CTDSPL2: variants seen among roughly 807,000 people sequenced by gnomAD.
CTDSPL2 encodes CTD small phosphatase-like protein 2.
A neutral mutation model predicts 60.0 loss-of-function variants in CTDSPL2; 5 were observed. The ratio of observed to expected loss-of-function variants is 0.08; its 90% CI spans 0.04 to 0.18. The LOEUF is 0.18. Among genes scored for constraint, CTDSPL2 ranks in the 10% least tolerant of loss-of-function variants. CTDSPL2 has a pLI of 1.00. For missense variants in CTDSPL2, 370 were observed against 548.8 expected (o/e 0.67, Z 3.26); for synonymous variants, 186 against 189.3 (o/e 0.98, Z 0.14).
rs192836655 is a variant in CTDSPL2, at chr15:44,493,267, G to C, written c.691+2268G>C. On this transcript the variant is annotated intron_variant, in intron 5 of 12. Transcript: ENST00000260327. Reference sequence around the variant, plus strand: ...TGATTGGGATGATCATGAGAGTATAGATAGAGGCATTTAGTATGAGTGACA... The same window carrying C: ...TGATTGGGATGATCATGAGAGTATACATAGAGGCATTTAGTATGAGTGACA... Among the ~76,000 whole-genome samples, 679 of 152,284 alleles carry C rather than the reference G, an allele frequency of 4.5e-3. 4 individuals carry two copies. Among genetic ancestry groups the C allele is most frequent in the African/African-American group, 0.016 (646 of 41,542 alleles).
intron 3 of CTDSPL2, 53 bp from the exon 4 acceptor site, chr15:44,486,498 T>A (rs1437270439): frequency 7.8e-7 from 1 of 1,283,032 alleles, no homozygotes; most frequent in African/African-American, 1.5e-5. Context: ...TATAACACAC[T>A]TCTGAAATTC....
chr15:44,471,588 T>C (rs923697697), intron 2 of CTDSPL2, among the ~76,000 whole-genome samples: 22 of 152,188 alleles, frequency 1.4e-4, no homozygotes, highest in African/African-American at 5.3e-4. Flanking sequence ...TTAGAAAACT[T>C]TAAATATGTA....
At position 44,526,188 on chromosome 15, in the gene CTDSPL2, T is replaced by A. The variant is rs1207005421; in HGVS notation, c.*2014T>A. The stretch of plus-strand genomic sequence containing the variant: ...GTACATACGTTACCTTTACATATGC[T>A]CTTGCTCAAAATTGTGAACCTAGTT... On this transcript the variant is annotated 3_prime_UTR_variant, in exon 13 of 13. Coordinates refer to ENST00000260327, the MANE Select transcript of CTDSPL2 (RefSeq NM_016396.3). 6.6e-6 allele frequency: 1 copy of A among 152,150 alleles called. No individual in the cohort carries two copies. Among genetic ancestry groups the A allele is most frequent in the Non-Finnish European group, 1.5e-5 (1 of 67,986 alleles). The allele number at this position is 152,150 out of a possible 1,614,324, so 9.4% of individuals were successfully genotyped here. A position where few individuals can be genotyped will look rare whatever the true frequency, so the allele number is the denominator to read the frequency against.
At chr15:44,473,237 T>G (rs750694469) in intron 2 of CTDSPL2, among the ~76,000 whole-genome samples, 3 of 152,266 alleles carry the variant, frequency 2.0e-5, no homozygotes, top group Non-Finnish European at 4.4e-5. Context: ...TTTTGTTGCT[T>G]GTGCTTTTGG....
At chr15:44,502,023 AG>A (rs972632285) in intron 8 of CTDSPL2, 16 of 451,756 alleles carry the variant, frequency 3.5e-5, no homozygotes, top group Non-Finnish European at 7.1e-5. Flanking sequence ...ATGATCTAAG[AG>A]ATATTGGAGA....
intron 1 of CTDSPL2, among the ~76,000 whole-genome samples, chr15:44,433,452 A>G (rs1388755585): frequency 9.9e-6 from 1 of 100,540 alleles, no homozygotes; most frequent in Middle Eastern, 3.7e-3. Context: ...TTTTATATAC[A>G]TATATATACA....
Position 44,481,962 on chromosome 15 carries a change from G to C in CTDSPL2, c.187-2262G>C, listed in dbSNP as rs1471271028. 2.0e-5 allele frequency among the ~76,000 whole-genome samples: 3 copies of C among 152,214 alleles called. No homozygotes were observed. In the East Asian group the frequency reaches 5.8e-4, roughly 29 times the overall value. On this transcript the variant is annotated intron_variant, in intron 2 of 12. Transcript: ENST00000260327. ...CTGGTCTAGCAGGGACTCTTCACAT[G>C]TGGCAGTTTGCATTTCCTTTTGTAC...
chr15:44,432,899 G>C (rs1469093899), intron 1 of CTDSPL2, among the ~76,000 whole-genome samples: 1 of 152,030 alleles, frequency 6.6e-6, no homozygotes, highest in African/African-American at 2.4e-5. Flanking sequence ...TGGGATTACA[G>C]GTGTGAGCCA....
intron 2 of CTDSPL2, among the ~76,000 whole-genome samples, chr15:44,470,047 G>A (rs376182068): frequency 3.5e-5 from 5 of 141,790 alleles, no homozygotes; most frequent in Admixed American, 1.5e-4. Context: ...GCAGTGAGCC[G>A]AGATCACGCC....
At chr15:44,468,023 A>C (rs1312989233) in intron 2 of CTDSPL2, among the ~76,000 whole-genome samples, 1 of 151,928 alleles carries the variant, frequency 6.6e-6, no homozygotes, top group African/African-American at 2.4e-5. Flanking sequence ...TTGATTTGTA[A>C]TGTTTTTAAA....
chr15:44,444,786 A>G (rs2080169735), intron 1 of CTDSPL2, among the ~76,000 whole-genome samples: 1 of 135,056 alleles, frequency 7.4e-6, no homozygotes, highest in African/African-American at 2.8e-5. Flanking sequence ...CCAGATATCT[A>G]TAACTTTAGT....
intron 5 of CTDSPL2, among the ~76,000 whole-genome samples, chr15:44,496,068 C>T (rs1030924335): frequency 6.6e-6 from 1 of 152,154 alleles, no homozygotes; most frequent in Non-Finnish European, 1.5e-5. Context: ...TACATGTAAA[C>T]ACCATACAAT....
intron 1 of CTDSPL2, among the ~76,000 whole-genome samples, chr15:44,439,649 A>C (rs762415512): frequency 3.3e-5 from 5 of 151,996 alleles, no homozygotes; most frequent in Non-Finnish European, 4.4e-5. Flanking sequence ...TGTATTTTCA[A>C]ATTAGGGATA....
At chr15:44,511,912 G>A (rs1009952968) in intron 8 of CTDSPL2, among the ~76,000 whole-genome samples, 12 of 149,506 alleles carry the variant, frequency 8.0e-5, no homozygotes, top group African/African-American at 3.0e-4. Flanking sequence ...AAACTTAGTC[G>A]GGTGTGATGG....
intron 1 of CTDSPL2, among the ~76,000 whole-genome samples, chr15:44,447,057 AT>A (rs1222867258): frequency 6.6e-6 from 1 of 152,042 alleles, no homozygotes; most frequent in Non-Finnish European, 1.5e-5. Context: ...TAAATATATT[AT>A]TTTCACATTG....
intron 1 of CTDSPL2, among the ~76,000 whole-genome samples, chr15:44,440,047 A>G (rs2080053111): frequency 6.6e-6 from 1 of 152,114 alleles, no homozygotes; most frequent in Admixed American, 6.5e-5. Context: ...GTTTTTTACT[A>G]CAGTTTCAAT....
In CTDSPL2 at chr15:44,497,385, A is replaced by G. The variant is rs190851750; in HGVS notation, c.882+247A>G. On this transcript the variant is annotated intron_variant, in intron 7 of 12. Transcript: ENST00000260327. ...AAAAGCACAATTTCTTATTTTTTTG[A>G]GATGGAGTCTCGCTCTGTCGCCCAG... 6.3e-3 allele frequency among the ~76,000 whole-genome samples: 958 copies of G among 152,196 alleles called. 10 individuals are homozygous for G. Among genetic ancestry groups the G allele is most frequent in the African/African-American group, 0.021 (884 of 41,526 alleles).
intron 1 of CTDSPL2, among the ~76,000 whole-genome samples, chr15:44,429,159 CATT>C (rs774126131): frequency 9.2e-5 from 14 of 152,268 alleles, no homozygotes; most frequent in South Asian, 2.1e-4. Context: ...AACACACAAA[CATT>C]ATTATAATCC....
intron 2 of CTDSPL2, among the ~76,000 whole-genome samples, chr15:44,482,196 G>C (rs987196959): frequency 2.2e-4 from 33 of 152,242 alleles, no homozygotes; most frequent in African/African-American, 7.7e-4. Flanking sequence ...GCCCAGGCTG[G>C]GGTGCAGTGG....
Sources: allele counts gnomAD v4.1 joint callset (sites outside exome capture counted in the v4.1 genomes callset), GRCh38; gene constraint gnomAD v4.1.1; transcripts MANE v1.5; gene names NCBI Gene and HGNC (gene_info 2026-07-23, HGNC 2026-07-21).